GPAM: variants seen among roughly 807,000 people sequenced by gnomAD.
The protein encoded by GPAM is glycerol-3-phosphate acyltransferase, mitochondrial, also known as glycerol-3-phosphate acyltransferase 1, mitochondrial.
In GPAM, 56 loss-of-function variants were observed where a neutral mutation model predicts 105.0. The observed-to-expected ratio is 0.53, with a 90% confidence interval of 0.43 to 0.67. The LOEUF (loss-of-function observed/expected upper bound fraction) is 0.67. Ranked by LOEUF, GPAM falls within the 30% of genes least tolerant of loss-of-function variation. GPAM has a pLI of 0.00. For synonymous variants in GPAM, 368 were observed against 354.4 expected (o/e 1.04, Z -0.43); for missense variants, 855 against 989.8 (o/e 0.86, Z 1.83).
At chr10:112,164,973 G>A (rs1328252348) in intron 12 of GPAM, among the ~76,000 whole-genome samples, 2 of 151,736 alleles carry the variant, frequency 1.3e-5, no homozygotes, top group Non-Finnish European at 2.9e-5. Flanking sequence ...GCAACCCAAG[G>A]GTCACATTAT....
chr10:112,173,110 C>T lies in GPAM; in HGVS notation c.561-44G>A, dbSNP rs115902120. 8.9e-4 allele frequency: 985 copies of T among 1,103,268 alleles called. 6 individuals carry two copies. In the African/African-American group the frequency reaches 0.014, roughly 16 times the overall value. The allele number at this position is 1,103,268 out of a possible 1,614,324, so 68.3% of individuals were successfully genotyped here. On this transcript the variant is annotated intron_variant, in intron 7 of 21. Transcript: ENST00000348367. ...AAAAAAAACAACATAAATGAACACA[C>T]GTTATTTTTACATACAAGCACATAC...
chr10:112,176,038 C>T (rs1847397997), intron 5 of GPAM, among the ~76,000 whole-genome samples: 1 of 152,110 alleles, frequency 6.6e-6, no homozygotes, highest in African/African-American at 2.4e-5. Context: ...ATGTTTAATG[C>T]TATATATAAG....
Position 112,166,398 on chromosome 10 carries a change from T to C in GPAM, c.1221+4A>G. On this transcript the variant is annotated splice_donor_region_variant and intron_variant, in intron 12 of 21. Coordinates refer to ENST00000348367, the MANE Select transcript of GPAM (RefSeq NM_001244949.2). ...AACATGGTTTCATTTCAACAGACACTCACCTTTAAGGAAAATGGCTGTGCA... is the reference window on the plus strand; with the variant it reads ...AACATGGTTTCATTTCAACAGACACCCACCTTTAAGGAAAATGGCTGTGCA... 6.7e-7 allele frequency: 1 copy of C among 1,499,716 alleles called. No homozygotes were observed. Among genetic ancestry groups the C allele is most frequent in the Non-Finnish European group, 9.3e-7 (1 of 1,075,828 alleles). 92.9% of individuals were successfully genotyped at this position (1,499,716 alleles called of 1,614,324 possible). A position where few individuals can be genotyped will look rare whatever the true frequency, so the allele number is the denominator to read the frequency against.
intron 6 of GPAM, 53 bp downstream of exon 6, chr10:112,175,547 T>G: frequency 1.1e-6 from 1 of 902,874 alleles, no homozygotes; most frequent in Non-Finnish European, 1.9e-6. Context: ...CCCCTCCCAC[T>G]CCTACCGCCC....
intron 17 of GPAM, 146 bp from the exon 18 acceptor site, chr10:112,158,539 C>T (rs1173278255): frequency 1.2e-5 from 8 of 678,712 alleles, no homozygotes; most frequent in Non-Finnish European, 1.9e-5. Flanking sequence ...ATTCCCAGTG[C>T]CCACTGTCTT....
chr10:112,204,342 C>A (rs1847835715), intron 1 of GPAM, among the ~76,000 whole-genome samples: 1 of 148,924 alleles, frequency 6.7e-6, no homozygotes, highest in Admixed American at 6.7e-5. Flanking sequence ...GATCTGGGGG[C>A]TCTTCTTGAA....
At chr10:112,198,170 C>T (rs1242969050) in intron 1 of GPAM, among the ~76,000 whole-genome samples, 2 of 152,198 alleles carry the variant, frequency 1.3e-5, no homozygotes, top group Non-Finnish European at 2.9e-5. Flanking sequence ...ACACCTGGCA[C>T]AGAGTGGGTA....
At chr10:112,157,217 G>A (rs558683971) in intron 19 of GPAM, 32 bp downstream of exon 19, 7 of 1,595,600 alleles carry the variant, frequency 4.4e-6, no homozygotes, top group South Asian at 3.3e-5. Flanking sequence ...ACATATCCCT[G>A]TAATATCCAC....
chr10:112,164,119 A>G (rs1031441881), intron 13 of GPAM, among the ~76,000 whole-genome samples: 2 of 152,218 alleles, frequency 1.3e-5, no homozygotes, highest in Non-Finnish European at 2.9e-5. Flanking sequence ...ACACTTCCAC[A>G]TATTAAAGGA....
chr10:112,182,246 G>C (rs1179905779), intron 2 of GPAM, among the ~76,000 whole-genome samples: 1 of 152,162 alleles, frequency 6.6e-6, no homozygotes, highest in African/African-American at 2.4e-5. Context: ...TAATTGAATA[G>C]TTCCTGGCAG....
chr10:112,163,896 T>C (rs1847169335), intron 13 of GPAM, 80 bp from the exon 14 acceptor site: 2 of 734,468 alleles, frequency 2.7e-6, no homozygotes, highest in African/African-American at 1.7e-5. Context: ...TTAAATGAAT[T>C]AGATACTTTA....
chr10:112,195,174 A>C (rs1847708677), intron 1 of GPAM, among the ~76,000 whole-genome samples: 1 of 152,026 alleles, frequency 6.6e-6, no homozygotes, highest in South Asian at 2.1e-4. Context: ...CAGCCAGCCT[A>C]AACATTTGAA....
intron 21 of GPAM, 131 bp from the exon 22 acceptor site, chr10:112,153,797 A>C: frequency 1.1e-6 from 1 of 895,062 alleles, no homozygotes; most frequent in Non-Finnish European, 1.7e-6. Flanking sequence ...TCCTGGCATT[A>C]AGTAAATGTA....
chr10:112,158,235 A>G lies in GPAM; in HGVS notation c.1980+81T>C, dbSNP rs1847053440. Reference sequence around the variant, plus strand: ...CACATGCCACCATGCCTGGCCAATTATTGGTTTAAATAAGTTGTAGAAAAG... The same window carrying G: ...CACATGCCACCATGCCTGGCCAATTGTTGGTTTAAATAAGTTGTAGAAAAG... On this transcript the variant is annotated intron_variant, in intron 18 of 21. Transcript: ENST00000348367. The G allele has an allele frequency of 3.2e-6, 3 of 949,662 alleles. No individual in the cohort carries two copies. In the Admixed American group the frequency reaches 5.1e-5, roughly 16 times the overall value. 58.8% of individuals were successfully genotyped at this position (949,662 alleles called of 1,614,324 possible).
chr10:112,202,914 C>T (rs78891963), intron 1 of GPAM, among the ~76,000 whole-genome samples: 3,876 of 152,214 alleles, frequency 0.025, 60 homozygotes, highest in East Asian at 0.091. Flanking sequence ...TTCTTAAGAC[C>T]GAATATCAGC....
intron 4 of GPAM, among the ~76,000 whole-genome samples, chr10:112,178,851 T>G (rs1847455064): frequency 6.6e-6 from 1 of 152,178 alleles, no homozygotes; most frequent in African/African-American, 2.4e-5. Context: ...AAGAGTATGG[T>G]CTTTCTATTA....
At chr10:112,214,495 G>A (rs2133310705) in intron 1 of GPAM, 1 of 152,240 alleles carries the variant, frequency 6.6e-6, no homozygotes, top group South Asian at 2.1e-4. Context: ...GGCCCCATAT[G>A]GAGCCCAGCT....
chr10:112,175,648 T>A lies in GPAM; in HGVS notation c.365A>T (p.Lys122Met). The A allele has an allele frequency of 6.2e-7, 1 of 1,613,052 alleles. No individual in the cohort carries two copies. Among genetic ancestry groups the A allele is most frequent in the Non-Finnish European group, 8.5e-7 (1 of 1,179,024 alleles). Residue 122 changes from lysine to methionine, a missense_variant, in exon 6 of 22, where the codon AAG becomes ATG. Physicochemically the swap from Lys to Met is moderately conservative, Grantham distance 95. Transcript: ENST00000348367. ...VLFIQERDVH[K>M]GMFATNVTEN... The stretch of plus-strand genomic sequence containing the variant: ...AGTCACATTGGTGGCAAACATGCCC[T>A]TATGCACATCTCGCTCTTGAATAAA...
intron 1 of GPAM, among the ~76,000 whole-genome samples, chr10:112,204,852 A>G (rs1847841564): frequency 1.6e-5 from 2 of 126,768 alleles, no homozygotes; most frequent in Non-Finnish European, 1.6e-5. Context: ...AAGGGTATTC[A>G]ATTAGGAAAA....
Sources: gnomAD v4.1 joint callset for allele counts (sites outside exome capture counted in the v4.1 genomes callset) on GRCh38, gnomAD v4.1.1 for gene constraint, MANE v1.5 for transcripts, NCBI Gene and HGNC (gene_info 2026-07-23, HGNC 2026-07-21) for gene names.